The following ATP2C1 variants were observed in gnomAD, a reference collection of about 807,000 sequenced individuals.
ATP2C1 encodes the protein ATPase secretory pathway Ca2+ transporting 1.
In ATP2C1, 31 loss-of-function variants were observed where a neutral mutation model predicts 120.5. The observed-to-expected ratio is 0.26, with a 90% CI of 0.19 to 0.35. The LOEUF is 0.35. Ranked by LOEUF, ATP2C1 falls within the 10% of genes least tolerant of loss-of-function variation. The pLI is 1.00. For missense variants in ATP2C1, 731 were observed against 1,107.5 expected (o/e 0.66, Z 4.83); for synonymous variants, 351 against 358.7 (o/e 0.98, Z 0.24).
At chr3:130,922,993 T>C in intron 2 of ATP2C1, among the ~76,000 whole-genome samples, 1 of 152,222 alleles carries the variant, frequency 6.6e-6, no homozygotes, top group Admixed American at 6.5e-5. Flanking sequence ...GGGTATAGTC[T>C]TAAGTCCATT....
chr3:130,952,562 A>C (rs1310911325), intron 8 of ATP2C1, among the ~76,000 whole-genome samples: 1 of 152,210 alleles, frequency 6.6e-6, no homozygotes, highest in African/African-American at 2.4e-5. Flanking sequence ...AGAGTTAAGA[A>C]AGGCCTGATT....
intron 2 of ATP2C1, among the ~76,000 whole-genome samples, chr3:130,913,873 T>C (rs544008643): frequency 1.2e-3 from 183 of 152,352 alleles, no homozygotes; most frequent in African/African-American, 4.2e-3. Flanking sequence ...CTTACTAGTT[T>C]TGTTAATTTC....
At chr3:130,983,704 CTT>C (rs1160135606) in intron 20 of ATP2C1, among the ~76,000 whole-genome samples, 1 of 152,184 alleles carries the variant, frequency 6.6e-6, no homozygotes, top group Non-Finnish European at 1.5e-5. Flanking sequence ...AACCACTGAT[CTT>C]TTTACTGTCT....
At chr3:130,997,061 G>GTA (rs1223711250) in intron 24 of ATP2C1, among the ~76,000 whole-genome samples, 1 of 152,090 alleles carries the variant, frequency 6.6e-6, no homozygotes, top group Non-Finnish European at 1.5e-5. Context: ...TCCTCAGGAA[G>GTA]TAAGTAAGCC....
intron 2 of ATP2C1, among the ~76,000 whole-genome samples, chr3:130,925,323 A>G (rs2059156060): frequency 6.6e-6 from 1 of 151,944 alleles, no homozygotes; most frequent in South Asian, 2.1e-4. Context: ...TGAGTGCCAA[A>G]CTGTAGTGAT....
chr3:130,942,919 A>C (rs1309630004), intron 8 of ATP2C1, among the ~76,000 whole-genome samples: 1 of 152,148 alleles, frequency 6.6e-6, no homozygotes, highest in Non-Finnish European at 1.5e-5. Flanking sequence ...AAATTCATGG[A>C]GTTCATGCCA....
chr3:130,990,850 C>T (rs1287965131), intron 20 of ATP2C1, among the ~76,000 whole-genome samples: 1 of 152,138 alleles, frequency 6.6e-6, no homozygotes, highest in Non-Finnish European at 1.5e-5. Flanking sequence ...TTAAGGTTGG[C>T]TCCCAAAATT....
At chr3:130,903,705 T>TCC (rs373874473) in intron 2 of ATP2C1, among the ~76,000 whole-genome samples, 537 of 14,216 alleles carry the variant, frequency 0.038, 1 homozygote, top group African/African-American at 0.071. Context: ...CTTTCCCCTT[T>TCC]CCTTTCCTTT....
At position 130,969,337 on chromosome 3, in the gene ATP2C1, T is replaced by C. The variant is rs114743659; in HGVS notation, c.1354T>C (p.Tyr452His). ...LQQDYIRKAE[Y>H]PFSSEQKWMA... ...ACAAGACTACATCAGAAAAGCTGAATACCCTTTTAGCTCTGAGCAAAAGTG... is the reference window on the plus strand; with the variant it reads ...ACAAGACTACATCAGAAAAGCTGAACACCCTTTTAGCTCTGAGCAAAAGTG... Residue 452 changes from tyrosine to histidine, a missense_variant, in exon 17 of 28, where the codon TAC becomes CAC. Physicochemically the swap from Tyr to His is moderately conservative, Grantham distance 83. This residue lies in a region of ATP2C1 where 571 missense variants were observed against 845.9 expected (regional missense o/e 0.67). Transcript: ENST00000510168. 3 of 1,613,948 alleles carry C rather than the reference T, an allele frequency of 1.9e-6. No homozygotes were observed. The East Asian group carries it at 6.7e-5, about 36-fold the overall frequency.
chr3:130,856,450 G>T (rs2067843783), intron 1 of ATP2C1, among the ~76,000 whole-genome samples: 1 of 152,298 alleles, frequency 6.6e-6, no homozygotes, highest in Middle Eastern at 3.4e-3. Context: ...TAGGTAAAAT[G>T]ATAGACGTTT....
rs776790830 is a variant in ATP2C1, at chr3:130,980,643, A to G, written c.1803A>G (p.Ala601=). Residue 601 remains alanine (A), a synonymous_variant, in exon 20 of 28, where the codon GCA becomes GCG. Coordinates refer to ENST00000510168, the MANE Select transcript of ATP2C1 (RefSeq NM_001378687.1). ...SQSVSGEEID[A]MDVQQLSQIV... is the part of the protein sequence containing the mutation. Reference sequence around the variant, plus strand: ...CAGTCTCAGGAGAAGAAATAGATGCAATGGATGTTCAGCAGCTTTCACAAA... The same window carrying G: ...CAGTCTCAGGAGAAGAAATAGATGCGATGGATGTTCAGCAGCTTTCACAAA... 5.0e-6 allele frequency: 8 copies of G among 1,613,414 alleles called. No homozygotes were observed. In the African/African-American group the frequency reaches 6.7e-5, roughly 13 times the overall value.
At chr3:130,869,287 G>T in intron 1 of ATP2C1, 1 of 164,502 alleles carries the variant, frequency 6.1e-6, no homozygotes. Flanking sequence ...CACAAACACT[G>T]CGGAAGGCCG....
chr3:130,868,840 G>A (rs1438077464), intron 1 of ATP2C1: 5 of 138,628 alleles, frequency 3.6e-5, no homozygotes, highest in South Asian at 1.6e-4. Flanking sequence ...CGCCCCATCC[G>A]GGAGGTGAGG....
intron 20 of ATP2C1, among the ~76,000 whole-genome samples, chr3:130,983,524 A>G (rs1018433685): frequency 2.0e-5 from 3 of 152,178 alleles, no homozygotes; most frequent in South Asian, 4.1e-4. Flanking sequence ...TTTGTGTTGT[A>G]CCTTTCTAGG....
rs142019376 is a variant in ATP2C1, at chr3:130,855,286, A to G, written c.108+4358A>G. Among the ~76,000 whole-genome samples, 766 of 152,252 alleles carry G rather than the reference A, an allele frequency of 5.0e-3. 8 individuals carry two copies. Among genetic ancestry groups the G allele is most frequent in the African/African-American group, 0.017 (720 of 41,542 alleles). ...TTTAGCTCAATGCGGGGAATATGAT[A>G]TTATTTTGTTTGCTAGTTTAGTCCC... On this transcript the variant is annotated intron_variant, in intron 1 of 26. Transcript: ENST00000504381.
At chr3:130,878,707 C>T (rs913282422) in intron 1 of ATP2C1, among the ~76,000 whole-genome samples, 1 of 151,890 alleles carries the variant, frequency 6.6e-6, no homozygotes, top group Non-Finnish European at 1.5e-5. Flanking sequence ...ATATATTATC[C>T]CATTCTCTCC....
chr3:130,951,093 A>G lies in ATP2C1; in HGVS notation c.532-2728A>G, dbSNP rs570737344. Among the ~76,000 whole-genome samples the G allele has an allele frequency of 2.6e-5, 4 of 152,308 alleles. No individual in the cohort carries two copies. In the South Asian group the frequency reaches 8.3e-4, roughly 32 times the overall value. On this transcript the variant is annotated intron_variant, in intron 8 of 27. Coordinates refer to ENST00000510168, the MANE Select transcript of ATP2C1 (RefSeq NM_001378687.1). ...ACGTGCAACTCTGACTGTTGTAACA[A>G]GCATTAAATATGAGCTTGCTAAATA...
At chr3:130,891,820 T>C (rs1576604776), upstream of ATP2C1, among the ~76,000 whole-genome samples, 1 of 152,322 alleles carries the variant, frequency 6.6e-6, no homozygotes, top group African/African-American at 2.4e-5. Flanking sequence ...TCTATACATA[T>C]ACATATGTGT....
intron 1 of ATP2C1, among the ~76,000 whole-genome samples, chr3:130,887,637 ACAC>A (rs1244686021): frequency 2.0e-5 from 3 of 151,906 alleles, no homozygotes; most frequent in African/African-American, 4.8e-5. Context: ...GTGGTTTTCT[ACAC>A]CACCATTGGT....
Sources: gnomAD v4.1 joint callset for allele counts (sites outside exome capture counted in the v4.1 genomes callset) on GRCh38, gnomAD v4.1.1 for gene constraint, gnomAD v4.1.1 regional missense constraint, MANE v1.5 for transcripts, NCBI Gene and HGNC (gene_info 2026-07-23, HGNC 2026-07-21) for gene names.